Variants in BNC2 observed in about 807,000 individuals in gnomAD.
BNC2 encodes the protein zinc finger protein basonuclin-2.
In BNC2, 20 loss-of-function variants were observed where a neutral mutation model predicts 76.3. The observed-to-expected ratio is 0.26, with a 90% CI of 0.18 to 0.38. BNC2 has a LOEUF of 0.38. BNC2 is among the 10% of genes least tolerant of loss of function. BNC2 has a pLI of 1.00. For missense variants in BNC2, 1,382 were observed against 1,399.8 expected (o/e 0.99, Z 0.20); for synonymous variants, 582 against 514.8 (o/e 1.13, Z -1.77).
chr9:16,818,974 T>A (rs1030454476), intron 1 of BNC2, among the ~76,000 whole-genome samples: 1 of 151,998 alleles, frequency 6.6e-6, no homozygotes. Flanking sequence ...CTCAGAACCT[T>A]GGCAATAAAA....
intron 5 of BNC2, among the ~76,000 whole-genome samples, chr9:16,511,505 G>A (rs930845806): frequency 4.3e-5 from 6 of 138,710 alleles, no homozygotes; most frequent in Non-Finnish European, 6.0e-5. Context: ...ATAGCTCACT[G>A]CAGTCTCAAC....
intron 5 of BNC2, among the ~76,000 whole-genome samples, chr9:16,449,263 C>T (rs1294871506): frequency 6.6e-6 from 1 of 152,162 alleles, no homozygotes; most frequent in African/African-American, 2.4e-5. Context: ...GAGCTGCAAA[C>T]GTGCCATTAG....
At chr9:16,750,559 C>T (rs1825159581) in intron 1 of BNC2, among the ~76,000 whole-genome samples, 1 of 152,246 alleles carries the variant, frequency 6.6e-6, no homozygotes, top group Admixed American at 6.5e-5. Flanking sequence ...GAATGCCTGG[C>T]ATACCCAATG....
chr9:16,820,875 A>G (rs1406743803), intron 1 of BNC2, among the ~76,000 whole-genome samples: 1 of 152,168 alleles, frequency 6.6e-6, no homozygotes, highest in Admixed American at 6.5e-5. Context: ...TCAAACAGCA[A>G]TGGGAAAACC....
chr9:16,611,039 A>G (rs369267991), intron 3 of BNC2, among the ~76,000 whole-genome samples: 6 of 152,318 alleles, frequency 3.9e-5, no homozygotes, highest in African/African-American at 1.4e-4. Context: ...TGAACACAGC[A>G]GTTCATTTGT....
intron 1 of BNC2, among the ~76,000 whole-genome samples, chr9:16,792,163 C>A (rs1817529200): frequency 6.6e-6 from 1 of 151,732 alleles, no homozygotes; most frequent in Non-Finnish European, 1.5e-5. Context: ...CAGTATGCAC[C>A]AGGAACTATT....
chr9:16,492,594 G>A (rs1822301147), intron 5 of BNC2, among the ~76,000 whole-genome samples: 1 of 152,086 alleles, frequency 6.6e-6, no homozygotes, highest in South Asian at 2.1e-4. Flanking sequence ...GGTTGTAAAG[G>A]TGTTCCTGCT....
At chr9:16,742,990 T>C (rs1487089212) in intron 1 of BNC2, among the ~76,000 whole-genome samples, 4 of 152,202 alleles carry the variant, frequency 2.6e-5, no homozygotes, top group African/African-American at 9.6e-5. Context: ...AGCATGGACC[T>C]CATGAGTGAG....
At chr9:16,622,167 T>C (rs1820883698) in intron 3 of BNC2, among the ~76,000 whole-genome samples, 1 of 152,164 alleles carries the variant, frequency 6.6e-6, no homozygotes, top group Admixed American at 6.5e-5. Flanking sequence ...CCCCAAATTA[T>C]AAAATTTTAT....
chr9:16,512,702 A>T (rs1822786030), intron 5 of BNC2, among the ~76,000 whole-genome samples: 1 of 152,242 alleles, frequency 6.6e-6, no homozygotes, highest in African/African-American at 2.4e-5. Context: ...ATAAAAAACT[A>T]GTAAGAATCT....
At chr9:16,784,529 A>T (rs1379867510) in intron 1 of BNC2, among the ~76,000 whole-genome samples, 1 of 152,096 alleles carries the variant, frequency 6.6e-6, no homozygotes, top group African/African-American at 2.4e-5. Flanking sequence ...TCAGAAAGAG[A>T]TGGAGGTAGA....
intron 5 of BNC2, among the ~76,000 whole-genome samples, chr9:16,488,742 A>C (rs1822214920): frequency 6.6e-6 from 1 of 152,200 alleles, no homozygotes; most frequent in Admixed American, 6.5e-5. Context: ...GTCACTAGCC[A>C]ATCAAGGAGC....
rs5896710 is a variant in BNC2, at chr9:16,856,277, T to TCACACACACA, written c.3+14359_3+14368dup. On this transcript the variant is annotated intron_variant, in intron 1 of 6. Transcript: ENST00000380672. ...TCTTCACACACACTCTCTCTCTCTC[T>TCACACACACA]CACACACACACACACACACACACAC... 1.5e-4 allele frequency among the ~76,000 whole-genome samples: 22 copies of TCACACACACA among 148,230 alleles called. No homozygotes were observed. The South Asian group carries it at 3.4e-3, about 23-fold the overall frequency.
chr9:16,663,131 T>TG (rs1822161987), intron 3 of BNC2, among the ~76,000 whole-genome samples: 1 of 48,278 alleles, frequency 2.1e-5, no homozygotes, highest in South Asian at 1.1e-3. Flanking sequence ...CTGTTTACTC[T>TG]TTTTTTTTTT....
intron 5 of BNC2, among the ~76,000 whole-genome samples, chr9:16,485,702 G>T (rs541004428): frequency 6.6e-6 from 1 of 152,254 alleles, no homozygotes; most frequent in African/African-American, 2.4e-5. Flanking sequence ...CATGCCTGTA[G>T]TTCCAGCTGC....
intron 3 of BNC2, among the ~76,000 whole-genome samples, chr9:16,614,195 G>C (rs1820630714): frequency 1.3e-5 from 2 of 152,244 alleles, no homozygotes; most frequent in African/African-American, 2.4e-5. Flanking sequence ...ACAGACGTAG[G>C]GGTACACCCT....
intron 3 of BNC2, among the ~76,000 whole-genome samples, chr9:16,605,784 CTTTTTTTT>C (rs34431220): frequency 2.7e-5 from 3 of 110,762 alleles, no homozygotes; most frequent in African/African-American, 1.1e-4. Context: ...TTCAAGAATT[CTTTTTTTT>C]TTTTTTTTTT....
At position 16,435,793 on chromosome 9, in the gene BNC2, T is replaced by C; in HGVS notation, c.2401A>G (p.Met801Val). The change falls in exon 6 of 7, where the codon ATG becomes GTG. Residue 801 changes from methionine to valine, a missense_variant. Met to Val is a conservative substitution (Grantham distance 21). Around this residue, in one of 3 missense-constraint regions of BNC2, gnomAD observed 798 missense variants for 775.5 expected, o/e 1.03. Transcript: ENST00000380672. ...YGLYNGGGAS[M>V]AALHESFTSS... is the part of the protein sequence containing the mutation. ...GTAAAGCTCTCATGCAAGGCGGCCA[T>C]GCTGGCACCCCCACCATTGTACAGT... 1 of 1,614,072 alleles carries C rather than the reference T, an allele frequency of 6.2e-7. No homozygotes were observed. Among genetic ancestry groups the C allele is most frequent in the Non-Finnish European group, 8.5e-7 (1 of 1,179,998 alleles).
Position 16,571,914 on chromosome 9 carries a change from C to CT in BNC2, c.433+11068dup, listed in dbSNP as rs911826910. On this transcript the variant is annotated intron_variant, in intron 4 of 6. Transcript: ENST00000380672. The stretch of plus-strand genomic sequence containing the variant: ...ACATGAAATATAGAAAAAAAAATGA[C>CT]TTTTTTTTTAAGGGGCCTTGTGATG... Among the ~76,000 whole-genome samples, 26 of 151,016 alleles carry CT rather than the reference C, an allele frequency of 1.7e-4. No individual in the cohort carries two copies. The East Asian group carries it at 2.7e-3, about 16-fold the overall frequency.
Sources: gnomAD v4.1 joint callset for allele counts (sites outside exome capture counted in the v4.1 genomes callset) on GRCh38, gnomAD v4.1.1 for gene constraint, gnomAD v4.1.1 regional missense constraint, MANE v1.5 for transcripts, NCBI Gene and HGNC (gene_info 2026-07-23, HGNC 2026-07-21) for gene names.